The following MMP16 variants were observed in gnomAD, a reference collection of about 807,000 sequenced individuals.
MMP16 encodes the protein matrix metallopeptidase 16.
A neutral mutation model predicts 67.8 loss-of-function variants in MMP16; 12 were observed. That is an observed-to-expected ratio of 0.18 (90% CI 0.11 to 0.29). The LOEUF is 0.29. MMP16 is among the 10% of genes least tolerant of loss of function. MMP16 has a pLI of 1.00. For missense variants in MMP16, 475 were observed against 765.7 expected, an observed-to-expected ratio of 0.62 and a Z score of 4.48; for synonymous variants, 249 against 255.9, an observed-to-expected ratio of 0.97 and a Z score of 0.26.
intron 7 of MMP16, among the ~76,000 whole-genome samples, chr8:88,064,283 T>C (rs1206457428): frequency 6.6e-6 from 1 of 152,182 alleles, no homozygotes; most frequent in Non-Finnish European, 1.5e-5. Context: ...AGTCTGTGCA[T>C]AGAATAGTCA....
chr8:88,072,886 A>G (rs1195255375), intron 7 of MMP16, among the ~76,000 whole-genome samples: 1 of 152,158 alleles, frequency 6.6e-6, no homozygotes, highest in African/African-American at 2.4e-5. Flanking sequence ...ACTGGAGGAC[A>G]TGCCTTTTAT....
intron 7 of MMP16, among the ~76,000 whole-genome samples, chr8:88,062,206 T>C (rs946528601): frequency 1.3e-5 from 2 of 152,056 alleles, no homozygotes; most frequent in South Asian, 2.1e-4. Context: ...ATGGTTGAAC[T>C]AGTTACTGTA....
At chr8:88,099,255 T>C (rs1426431829) in intron 6 of MMP16, among the ~76,000 whole-genome samples, 1 of 151,778 alleles carries the variant, frequency 6.6e-6, no homozygotes, top group East Asian at 1.9e-4. Context: ...AAAATTTTAT[T>C]TCCCAGCCTT....
intron 4 of MMP16, 105 bp from the exon 5 acceptor site, chr8:88,118,966 T>TA: frequency 1.9e-6 from 2 of 1,039,964 alleles, no homozygotes; most frequent in Non-Finnish European, 2.8e-6. Context: ...AAATAGGAGG[T>TA]ACTCTTTCCT....
chr8:88,183,021 T>TA lies in MMP16; in HGVS notation c.404+3454dup, dbSNP rs907430661. 1.7e-4 allele frequency among the ~76,000 whole-genome samples: 25 copies of TA among 149,334 alleles called. No homozygotes were observed. The South Asian group carries it at 1.7e-3, about 10-fold the overall frequency. On this transcript the variant is annotated intron_variant, in intron 3 of 9. Transcript: ENST00000286614. The stretch of plus-strand genomic sequence containing the variant: ...AGAAAAGGCAAAACGATGGAGACAT[T>TA]AAAAAAAAAATCCAGTGCTGGCCAG...
At chr8:88,265,566 G>A (rs1024679254) in intron 1 of MMP16, among the ~76,000 whole-genome samples, 8 of 152,104 alleles carry the variant, frequency 5.3e-5, no homozygotes, top group Admixed American at 5.2e-4. Flanking sequence ...ACTTGGACAA[G>A]TTAGAGAACG....
intron 1 of MMP16, among the ~76,000 whole-genome samples, chr8:88,223,839 A>T (rs1386414221): frequency 6.6e-6 from 1 of 152,020 alleles, no homozygotes; most frequent in Non-Finnish European, 1.5e-5. Flanking sequence ...TTAAAGTATA[A>T]TAATAATAAA....
At chr8:88,260,205 CA>C (rs920689312) in intron 1 of MMP16, among the ~76,000 whole-genome samples, 13 of 152,008 alleles carry the variant, frequency 8.6e-5, no homozygotes, top group Non-Finnish European at 1.6e-4. Flanking sequence ...CTGCTTCGCA[CA>C]AAAAAATTTG....
chr8:88,275,617 C>G (rs185779336), intron 1 of MMP16, among the ~76,000 whole-genome samples: 1 of 151,472 alleles, frequency 6.6e-6, no homozygotes, highest in Non-Finnish European at 1.5e-5. Context: ...ATAAATAATA[C>G]CATTGTGAAT....
chr8:88,140,828 C>T (rs928135999), intron 4 of MMP16, among the ~76,000 whole-genome samples: 2 of 151,972 alleles, frequency 1.3e-5, no homozygotes, highest in African/African-American at 4.8e-5. Context: ...ATACTGTCTG[C>T]AAAATCAGAC....
intron 1 of MMP16, among the ~76,000 whole-genome samples, chr8:88,211,353 C>A (rs1262417279): frequency 6.6e-6 from 1 of 152,098 alleles, no homozygotes; most frequent in African/African-American, 2.4e-5. Flanking sequence ...ATTGTAATCC[C>A]ATTTAATTTT....
chr8:88,164,239 G>C (rs187491590), intron 4 of MMP16, among the ~76,000 whole-genome samples: 48 of 152,046 alleles, frequency 3.2e-4, no homozygotes, highest in African/African-American at 7.5e-4. Flanking sequence ...GCTCTCAAGA[G>C]CTCTGAATAG....
At position 88,076,057 on chromosome 8, in the gene MMP16, G is replaced by C. The variant is rs192016047; in HGVS notation, c.1084-1314C>G. Among the ~76,000 whole-genome samples the C allele has an allele frequency of 5.7e-4, 87 of 151,452 alleles. 2 individuals carry two copies. In the East Asian group the frequency reaches 0.013, roughly 23 times the overall value. ...ACCCAAATGAGTCCGAATATGAACTGTCTTAAGAGCCTTTAATAGTTGAAC... is the reference window on the plus strand; with the variant it reads ...ACCCAAATGAGTCCGAATATGAACTCTCTTAAGAGCCTTTAATAGTTGAAC... On this transcript the variant is annotated intron_variant, in intron 6 of 9. Transcript: ENST00000286614.
intron 1 of MMP16, among the ~76,000 whole-genome samples, chr8:88,310,242 G>A (rs1291595178): frequency 6.6e-6 from 1 of 152,002 alleles, no homozygotes; most frequent in Non-Finnish European, 1.5e-5. Context: ...TTATATAAAC[G>A]TTCTATTGGT....
At chr8:88,154,957 C>T (rs146214298) in intron 4 of MMP16, among the ~76,000 whole-genome samples, 2 of 151,182 alleles carry the variant, frequency 1.3e-5, no homozygotes, top group East Asian at 1.9e-4. Context: ...CAGTATAGAT[C>T]ATTAATATTT....
At chr8:88,216,545 T>C (rs1809597526) in intron 1 of MMP16, among the ~76,000 whole-genome samples, 1 of 152,056 alleles carries the variant, frequency 6.6e-6, no homozygotes, top group Admixed American at 6.6e-5. Flanking sequence ...AAATCATTAG[T>C]TGCCTGTCGA....
intron 1 of MMP16, among the ~76,000 whole-genome samples, chr8:88,317,079 G>T (rs1811385891): frequency 6.6e-6 from 1 of 152,164 alleles, no homozygotes; most frequent in African/African-American, 2.4e-5. Flanking sequence ...TCCTCGTGAA[G>T]AAGCTATGAA....
chr8:88,135,596 T>C (rs900306206), intron 4 of MMP16, among the ~76,000 whole-genome samples: 4 of 151,704 alleles, frequency 2.6e-5, no homozygotes, highest in Admixed American at 1.3e-4. Context: ...AAGGTAAAAA[T>C]GTCATGGATG....
At chr8:88,272,948 A>G (rs929997490) in intron 1 of MMP16, among the ~76,000 whole-genome samples, 1 of 152,148 alleles carries the variant, frequency 6.6e-6, no homozygotes, top group African/African-American at 2.4e-5. Flanking sequence ...CAAAGGAAAG[A>G]GAACTGGAAT....
Sources: gnomAD v4.1 joint callset for allele counts (sites outside exome capture counted in the v4.1 genomes callset) on GRCh38, gnomAD v4.1.1 for gene constraint, MANE v1.5 for transcripts, NCBI Gene and HGNC (gene_info 2026-07-23, HGNC 2026-07-21) for gene names.